The following VPS9D1 variants were observed in gnomAD, a reference collection of about 807,000 sequenced individuals.
VPS9D1 encodes VPS9 domain containing 1, also known as VPS9 domain-containing protein 1.
In VPS9D1, 78 loss-of-function variants were observed where a neutral mutation model predicts 75.8. The observed-to-expected ratio is 1.03, with a 90% CI of 0.86 to 1.24. The LOEUF (loss-of-function observed/expected upper bound fraction) is 1.24. Among genes scored for constraint, VPS9D1 ranks in the 50% most tolerant of loss-of-function variants. The pLI is 0.00. For missense variants in VPS9D1, 1,057 were observed against 847.7 expected (o/e 1.25, Z -3.07); for synonymous variants, 481 against 385.6 (o/e 1.25, Z -2.90).
At chr16:89,708,830 G>A in intron 13 of VPS9D1, 27 bp downstream of exon 13, 3 of 1,558,684 alleles carry the variant, frequency 1.9e-6, no homozygotes, top group Non-Finnish European at 2.6e-6. Flanking sequence ...TTCCTCCCTG[G>A]CCACACCTCG....
chr16:89,710,368 C>T (rs530333819), intron 10 of VPS9D1, among the ~76,000 whole-genome samples: 40 of 152,236 alleles, frequency 2.6e-4, no homozygotes, highest in African/African-American at 8.9e-4. Context: ...GGCAGATCAA[C>T]TGAGGTCAGG....
chr16:89,710,910 C>G lies in VPS9D1; in HGVS notation c.934G>C (p.Gly312Arg). The G allele has an allele frequency of 6.7e-7, 1 of 1,491,898 alleles. No homozygotes were observed. Among genetic ancestry groups the G allele is most frequent in the Non-Finnish European group, 8.9e-7 (1 of 1,125,704 alleles). 92.4% of individuals were successfully genotyped at this position (1,491,898 alleles called of 1,614,324 possible). ...GGGTTGGGGGTCGGGGGGCAGCAGC[C>G]TGGGGCTGGCGCGGCTGCTCTGCTC... The part of the protein sequence containing the change: ...AVSRAAAPAP[G>R]CCPPTPNPGS... Residue 312 changes from glycine to arginine, a missense_variant, in exon 10 of 15, where the codon GGC becomes CGC. Gly to Arg is a moderately radical substitution (Grantham distance 125). Coordinates refer to ENST00000389386, the MANE Select transcript of VPS9D1 (RefSeq NM_004913.3).
At chr16:89,713,550 G>A (rs922212831) in intron 4 of VPS9D1, among the ~76,000 whole-genome samples, 4 of 151,586 alleles carry the variant, frequency 2.6e-5, no homozygotes, top group African/African-American at 7.3e-5. Context: ...TACCGCGCCC[G>A]GCCGGACTTT....
chr16:89,718,660 C>G (rs554971335), intron 2 of VPS9D1, among the ~76,000 whole-genome samples: 1 of 152,148 alleles, frequency 6.6e-6, no homozygotes, highest in Non-Finnish European at 1.5e-5. Flanking sequence ...AGGATGCCCA[C>G]AATTTGTCCA....
intron 13 of VPS9D1, 47 bp downstream of exon 13, chr16:89,708,810 T>C (rs925078158): frequency 7.3e-6 from 11 of 1,515,334 alleles, no homozygotes; most frequent in Non-Finnish European, 9.7e-6. Flanking sequence ...CCATTGCCTT[T>C]CTAGGGCCCT....
intron 4 of VPS9D1, among the ~76,000 whole-genome samples, chr16:89,715,201 T>C (rs1478958241): frequency 6.6e-6 from 1 of 150,974 alleles, no homozygotes; most frequent in Non-Finnish European, 1.5e-5. Context: ...TATAGATATA[T>C]AACTCATCCT....
At position 89,707,960 on chromosome 16, in the gene VPS9D1, T is replaced by C. The variant is rs1182150267; in HGVS notation, c.1803-6A>G. The C allele has an allele frequency of 3.7e-6, 6 of 1,612,100 alleles. No homozygotes were observed. Among genetic ancestry groups the C allele is most frequent in the Non-Finnish European group, 5.1e-6 (6 of 1,179,338 alleles). ...CCTCCTCTCCGATCAGGTACCTGCA[T>C]GGATGGCAGGGGCAGCCGGTGTCAT... On this transcript the variant is annotated splice_polypyrimidine_tract_variant and splice_region_variant and intron_variant, in intron 14 of 14. Coordinates refer to ENST00000389386, the MANE Select transcript of VPS9D1 (RefSeq NM_004913.3).
At chr16:89,717,413 G>A (rs1039002039) in intron 2 of VPS9D1, 39 of 384,790 alleles carry the variant, frequency 1.0e-4, no homozygotes, top group African/African-American at 2.5e-4. Context: ...ATCTCCCACC[G>A]GCTGTGTCCC....
intron 12 of VPS9D1, 58 bp from the exon 13 acceptor site, chr16:89,709,014 CCTTATA>C (rs2060854141): frequency 1.3e-5 from 20 of 1,491,954 alleles, no homozygotes; most frequent in Non-Finnish European, 1.8e-5. Context: ...CTGAGCCACC[CCTTATA>C]CCCCGCCCAC....
At chr16:89,708,332 C>G in intron 14 of VPS9D1, 95 bp downstream of exon 14, 9 of 1,244,310 alleles carry the variant, frequency 7.2e-6, no homozygotes, top group Non-Finnish European at 1.0e-5. Context: ...CACACGCTAC[C>G]CTCCCCAGCT....
In VPS9D1 at chr16:89,719,048, C is replaced by G. The variant is rs1452887356; in HGVS notation, c.154G>C (p.Glu52Gln). ...GTACCTTTAGTGGTTTCCACTTCTT[C>G]TAGTAACACCTGGGAGATATAGTGG... Reference protein sequence around the residue: ...SIHYISQVLLEEVETTKEAGE... With the variant: ...SIHYISQVLLQEVETTKEAGE... Residue 52 changes from glutamate (E) to glutamine (Q), a missense_variant, in exon 2 of 15, where the codon GAA becomes CAA. By Grantham distance (29) the Glu-to-Gln change is conservative. Transcript: ENST00000389386. 2 of 1,613,562 alleles carry G rather than the reference C, an allele frequency of 1.2e-6. No individual in the cohort carries two copies. Among genetic ancestry groups the G allele is most frequent in the African/African-American group, 1.3e-5 (1 of 75,064 alleles).
chr16:89,708,595 G>A, intron 13 of VPS9D1, 64 bp from the exon 14 acceptor site: 1 of 1,514,490 alleles, frequency 6.6e-7, no homozygotes, highest in Non-Finnish European at 9.0e-7. Context: ...AAACCCAGCA[G>A]CTGTGGAGCC....
intron 1 of VPS9D1, chr16:89,719,428 C>T: frequency 2.1e-6 from 1 of 483,832 alleles, no homozygotes; most frequent in Admixed American, 2.3e-5. Context: ...TTCAGTGGGC[C>T]TGGGGAAGTG....
In VPS9D1 at chr16:89,710,940, CG is replaced by C; in HGVS notation, c.903del (p.Ala302ProfsTer2). 6.8e-7 allele frequency: 1 copy of C among 1,479,184 alleles called. No individual in the cohort carries two copies. Among genetic ancestry groups the C allele is most frequent in the South Asian group, 1.3e-5 (1 of 74,520 alleles). 91.6% of individuals were successfully genotyped at this position (1,479,184 alleles called of 1,614,324 possible). A position where few individuals can be genotyped will look rare whatever the true frequency, so the allele number is the denominator to read the frequency against. On this transcript the variant is annotated frameshift_variant, in exon 10 of 15. Transcript: ENST00000389386. LOFTEE classifies it high-confidence loss of function. ...GCTGGCGCGGCTGCTCTGCTCACGGCGGGATACAGGGCGCTGTACACGGAGC... is the reference window on the plus strand; with the variant it reads ...GCTGGCGCGGCTGCTCTGCTCACGGCGGATACAGGGCGCTGTACACGGAGC... ...LQCSVYSALY[P>X]AVSRAAAPAP...
rs758644142 is a variant in VPS9D1, at chr16:89,712,694, C to T, written c.454G>A (p.Ala152Thr). 2.5e-6 allele frequency: 4 copies of T among 1,609,404 alleles called. No homozygotes were observed. The highest frequency in any genetic ancestry group is 3.4e-5 in the Admixed American group (2 of 59,586). The change falls in exon 5 of 15, where the codon GCC (alanine) becomes ACC (threonine). Residue 152 changes from alanine to threonine, a missense_variant. By Grantham distance (58) the Ala-to-Thr change is moderately conservative. Coordinates refer to ENST00000389386, the MANE Select transcript of VPS9D1 (RefSeq NM_004913.3). ...TTCAGCTTCTGATTCTGCAGGGAGG[C>T]CTCCTCCAGTGGCGTCAGCTCTCTG... ...CKKELTPLEEASLQNQKLKAA... is the reference protein window; with the variant it reads ...CKKELTPLEETSLQNQKLKAA...
chr16:89,720,487 T>C, intron 1 of VPS9D1: 2 of 1,116,726 alleles, frequency 1.8e-6, no homozygotes, highest in Non-Finnish European at 2.2e-6. Context: ...CGGACCCTCC[T>C]GCTACATCTC....
Position 89,710,811 on chromosome 16 carries a change from G to C in VPS9D1, c.1033C>G (p.Arg345Gly). ...LSPPEPSAAP[R>G]PQDSPPTPPL... ...GGCGTGGGGGGACTGTCCTGGGGCC[G>C]CGGGGCTGCGCTGGGCTCGGGCGGG... Residue 345 changes from arginine (R) to glycine (G), a missense_variant, in exon 10 of 15, where the codon CGG (arginine) becomes GGG (glycine). Transcript: ENST00000389386. 1 of 1,539,344 alleles carries C rather than the reference G, an allele frequency of 6.5e-7. No individual in the cohort carries two copies. The highest frequency in any genetic ancestry group is 8.8e-7 in the Non-Finnish European group (1 of 1,139,088).
chr16:89,716,432 T>A, intron 4 of VPS9D1, 30 bp downstream of exon 4: 1 of 1,612,642 alleles, frequency 6.2e-7, no homozygotes, highest in East Asian at 2.2e-5. Flanking sequence ...AATCCCAGGC[T>A]CATCCCACCT....
chr16:89,709,720 G>C, intron 11 of VPS9D1, 57 bp downstream of exon 11: 1 of 1,610,778 alleles, frequency 6.2e-7, no homozygotes, highest in Non-Finnish European at 8.5e-7. Flanking sequence ...AGGCCTCCTG[G>C]GGGACTGGGC....
Sources: gnomAD v4.1 joint callset for allele counts (sites outside exome capture counted in the v4.1 genomes callset) on GRCh38, gnomAD v4.1.1 for gene constraint, MANE v1.5 for transcripts, NCBI Gene and HGNC (gene_info 2026-07-23, HGNC 2026-07-21) for gene names.